The following SNX2 variants were observed in gnomAD, a reference collection of about 807,000 sequenced individuals.
SNX2 encodes sorting nexin-2.
A neutral mutation model predicts 69.9 loss-of-function variants in SNX2; 25 were observed. The observed-to-expected ratio is 0.36, with a 90% confidence interval of 0.26 to 0.50. SNX2 has a LOEUF of 0.50. Ranked by LOEUF, SNX2 falls within the 20% of genes least tolerant of loss-of-function variation. The pLI is 0.97. For missense variants in SNX2, 551 were observed against 613.3 expected (o/e 0.90, Z 1.07); for synonymous variants, 229 against 200.4 (o/e 1.14, Z -1.20).
At chr5:122,775,425 C>A in intron 1 of SNX2, 1 of 1,262,522 alleles carries the variant, frequency 7.9e-7, no homozygotes, top group Non-Finnish European at 1.0e-6. Context: ...CCCGCGGGTG[C>A]CGACCTAATC....
chr5:122,787,836 T>TATGATAAGA (rs1187116404), intron 1 of SNX2, among the ~76,000 whole-genome samples: 44 of 152,360 alleles, frequency 2.9e-4, no homozygotes, highest in Non-Finnish European at 2.9e-5. Context: ...AACTTTCAGT[T>TATGATAAGA]ATGATAAGAA....
At chr5:122,781,108 A>G (rs56364502) in intron 1 of SNX2, among the ~76,000 whole-genome samples, 16,310 of 152,210 alleles carry the variant, frequency 0.11, 1,261 homozygotes, top group East Asian at 0.36. Context: ...TTTAGATCCT[A>G]TAAAAATAAG....
chr5:122,827,666 A>G lies in SNX2; in HGVS notation c.1509+20A>G. 6.4e-7 allele frequency: 1 copy of G among 1,554,856 alleles called. No homozygotes were observed. Among genetic ancestry groups the G allele is most frequent in the South Asian group, 1.1e-5 (1 of 88,318 alleles). Reference sequence around the variant, plus strand: ...CAACAGGTAAGCCATTTTTGTTTATAACTTAAACTTCTAGAATTTGTTTTT... The same window carrying G: ...CAACAGGTAAGCCATTTTTGTTTATGACTTAAACTTCTAGAATTTGTTTTT... On this transcript the variant is annotated intron_variant, in intron 14 of 14. Transcript: ENST00000379516.
chr5:122,815,875 C>G (rs767398715), intron 7 of SNX2, 21 bp from the exon 8 acceptor site: 3 of 1,387,306 alleles, frequency 2.2e-6, no homozygotes, highest in African/African-American at 1.5e-5. Flanking sequence ...GATAAAGGAG[C>G]AATTTTACTC....
At chr5:122,805,747 T>C (rs1366920470) in intron 6 of SNX2, among the ~76,000 whole-genome samples, 1 of 152,130 alleles carries the variant, frequency 6.6e-6, no homozygotes, top group African/African-American at 2.4e-5. Flanking sequence ...CACACCCAAC[T>C]GAAATACATT....
chr5:122,816,107 C>T, intron 8 of SNX2, 136 bp downstream of exon 8: 1 of 443,784 alleles, frequency 2.3e-6, no homozygotes, highest in Non-Finnish European at 4.0e-6. Flanking sequence ...TTGCTTAGTG[C>T]TTTAATTACC....
chr5:122,775,236 T>TGCGCTGCGTAGCTGCC (rs1240250959), intron 1 of SNX2, 25 bp downstream of exon 1: 1 of 1,535,980 alleles, frequency 6.5e-7, no homozygotes, highest in Non-Finnish European at 8.8e-7. Context: ...CTGCGGGTGC[T>TGCGCTGCGTAGCTGCC]GCGCTGCGTA....
At chr5:122,777,852 T>G (rs967958376) in intron 1 of SNX2, among the ~76,000 whole-genome samples, 1 of 152,240 alleles carries the variant, frequency 6.6e-6, no homozygotes, top group African/African-American at 2.4e-5. Context: ...ATTCAAAATC[T>G]GCTCATCTAG....
At chr5:122,775,305 T>C (rs1217650975) in intron 1 of SNX2, 94 bp downstream of exon 1, 1 of 1,461,948 alleles carries the variant, frequency 6.8e-7, no homozygotes, top group East Asian at 2.8e-5. Context: ...CCCCCGTGTT[T>C]GCAAGGACCG....
Position 122,795,288 on chromosome 5 carries a change from C to A in SNX2, c.131C>A (p.Pro44Gln), listed in dbSNP as rs772750620. The change falls in exon 2 of 15, where the codon CCA becomes CAA. Residue 44 changes from proline to glutamine, a missense_variant. By Grantham distance (76) the Pro-to-Gln change is moderately conservative. This residue lies in a region of SNX2 where 191 missense variants were observed against 162.9 expected (regional missense o/e 1.17). Transcript: ENST00000379516. ...CAGTCAAGTCCATCATCTCCAGAACCAGCTAGTCTTCCTGCAGAAGATATT... is the reference window on the plus strand; with the variant it reads ...CAGTCAAGTCCATCATCTCCAGAACAAGCTAGTCTTCCTGCAGAAGATATT... The part of the protein sequence containing the change: ...TLESSPSSPE[P>Q]ASLPAEDISA... 1 of 1,613,170 alleles carries A rather than the reference C, an allele frequency of 6.2e-7. No homozygotes were observed. Among genetic ancestry groups the A allele is most frequent in the Non-Finnish European group, 8.5e-7 (1 of 1,179,468 alleles).
At chr5:122,791,805 T>G (rs1279451137) in intron 1 of SNX2, among the ~76,000 whole-genome samples, 1 of 152,254 alleles carries the variant, frequency 6.6e-6, no homozygotes, top group Non-Finnish European at 1.5e-5. Flanking sequence ...TAAAACTCAG[T>G]TAAATGATAG....
intron 1 of SNX2, among the ~76,000 whole-genome samples, chr5:122,791,320 C>T (rs186988684): frequency 1.2e-4 from 18 of 151,904 alleles, no homozygotes; most frequent in Admixed American, 7.2e-4. Flanking sequence ...CTTGCCCTGT[C>T]GCCCAGGCTG....
intron 10 of SNX2, among the ~76,000 whole-genome samples, chr5:122,818,152 T>C (rs188808415): frequency 4.3e-4 from 66 of 152,298 alleles, no homozygotes; most frequent in African/African-American, 1.5e-3. Context: ...TGGAGAACTT[T>C]ACATAATGTA....
At chr5:122,826,901 T>C (rs1754161755) in intron 12 of SNX2, among the ~76,000 whole-genome samples, 2 of 152,062 alleles carry the variant, frequency 1.3e-5, no homozygotes, top group African/African-American at 4.8e-5. Flanking sequence ...CAAAAATATT[T>C]TTAAAATGTT....
chr5:122,827,795 T>TA, intron 14 of SNX2, 149 bp downstream of exon 14: 1 of 607,212 alleles, frequency 1.6e-6, no homozygotes, highest in Non-Finnish European at 2.9e-6. Flanking sequence ...GATAAAAGGG[T>TA]AAACTAATCG....
chr5:122,796,447 A>C (rs1322009267), intron 2 of SNX2, among the ~76,000 whole-genome samples: 1 of 150,288 alleles, frequency 6.7e-6, no homozygotes, highest in Non-Finnish European at 1.5e-5. Context: ...AATTAAAAAT[A>C]TGATACCAAA....
chr5:122,831,009 C>CA lies in SNX2; in HGVS notation c.*1385dup, dbSNP rs58159922. Among the ~76,000 whole-genome samples, 1,704 of 62,754 alleles carry CA rather than the reference C, an allele frequency of 0.027. 69 individuals carry two copies. Among genetic ancestry groups the CA allele is most frequent in the East Asian group, 0.1 (199 of 1,952 alleles). The allele number at this position is 62,754 out of a possible 152,430, so 41.2% of individuals were successfully genotyped here. A position where few individuals can be genotyped will look rare whatever the true frequency, so the allele number is the denominator to read the frequency against. On this transcript the variant is annotated 3_prime_UTR_variant, in exon 15 of 15. Transcript: ENST00000379516. ...AGGCAACAAAAGCAAAACTCCATCT[C>CA]AAAAAAAAAAAAAAAAAAAAAAAAG...
chr5:122,802,893 T>C (rs1753548336), intron 5 of SNX2, among the ~76,000 whole-genome samples: 1 of 152,108 alleles, frequency 6.6e-6, no homozygotes, highest in Admixed American at 6.6e-5. Flanking sequence ...GCCTAGGTTA[T>C]TGACTAGAGG....
intron 3 of SNX2, among the ~76,000 whole-genome samples, chr5:122,801,094 TCTG>T (rs1753497899): frequency 6.6e-6 from 1 of 152,176 alleles, no homozygotes; most frequent in Non-Finnish European, 1.5e-5. Context: ...TATAATCACT[TCTG>T]CTGGTAAGTA....
Sources: gnomAD v4.1 joint callset for allele counts (sites outside exome capture counted in the v4.1 genomes callset) on GRCh38, gnomAD v4.1.1 for gene constraint, gnomAD v4.1.1 regional missense constraint, MANE v1.5 for transcripts, NCBI Gene and HGNC (gene_info 2026-07-23, HGNC 2026-07-21) for gene names.